The following FOXP4 variants were observed in gnomAD, a reference collection of about 807,000 sequenced individuals.
FOXP4 encodes the protein forkhead box protein P4.
FOXP4 carries 25 observed loss-of-function variants against 82.6 expected under a neutral mutation model. The observed-to-expected ratio is 0.30, with a 90% CI of 0.22 to 0.42. FOXP4 has a LOEUF of 0.42. FOXP4 is among the 10% of genes least tolerant of loss of function. The pLI is 1.00. For synonymous variants in FOXP4, 415 were observed against 388.2 expected, an observed-to-expected ratio of 1.07 and a Z score of -0.81; for missense variants, 785 against 900.9, an observed-to-expected ratio of 0.87 and a Z score of 1.65.
chr6:41,572,402 AG>A (rs1302103863), intron 2 of FOXP4, among the ~76,000 whole-genome samples: 2 of 152,262 alleles, frequency 1.3e-5, no homozygotes, highest in East Asian at 3.9e-4. Context: ...TTAGAACGTG[AG>A]CCCCGTTAAA....
chr6:41,587,846 G>A lies in FOXP4; in HGVS notation c.926G>A (p.Cys309Tyr), dbSNP rs1252110538. 1.3e-6 allele frequency: 2 copies of A among 1,572,412 alleles called. No individual in the cohort carries two copies. Among genetic ancestry groups the A allele is most frequent in the East Asian group, 2.4e-5 (1 of 42,546 alleles). Reference sequence around the variant, plus strand: ...CACCCCCTGTACGGACACGGAGAGTGCAAGTGGCCAGGCTGTGAGACCCTG... The same window carrying A: ...CACCCCCTGTACGGACACGGAGAGTACAAGTGGCCAGGCTGTGAGACCCTG... ...GSHPLYGHGE[C>Y]KWPGCETLCE... The change falls in exon 8 of 17, where the codon TGC becomes TAC. Residue 309 changes from cysteine (C) to tyrosine (Y), a missense_variant. Physicochemically the swap from Cys to Tyr is radical, Grantham distance 194. Around this residue, in one of 3 missense-constraint regions of FOXP4, gnomAD observed 570 missense variants for 634.0 expected, o/e 0.90. Transcript: ENST00000307972.
intron 1 of FOXP4, among the ~76,000 whole-genome samples, chr6:41,560,945 C>T (rs1025949328): frequency 1.3e-5 from 2 of 152,188 alleles, no homozygotes; most frequent in African/African-American, 2.4e-5. Flanking sequence ...CCGTGGGTCC[C>T]CCCTTTGGCC....
intron 1 of FOXP4, chr6:41,547,333 C>T (rs1031198764): frequency 6.6e-6 from 1 of 152,352 alleles, no homozygotes; most frequent in Non-Finnish European, 1.5e-5. Context: ...AAGAATACTT[C>T]CCGGCCCAGA....
At chr6:41,587,567 G>C in intron 7 of FOXP4, 55 bp downstream of exon 7, 1 of 1,390,434 alleles carries the variant, frequency 7.2e-7, no homozygotes, top group Admixed American at 2.3e-5. Context: ...GGTAGACCTG[G>C]CCCCCCACCC....
chr6:41,578,104 G>C (rs1413725588), intron 3 of FOXP4, 23 bp downstream of exon 3: 2 of 1,603,100 alleles, frequency 1.2e-6, no homozygotes, highest in Non-Finnish European at 1.7e-6. Flanking sequence ...GCACCCCGCT[G>C]GCTCTGGGTT....
intron 1 of FOXP4, among the ~76,000 whole-genome samples, chr6:41,551,804 A>AG (rs1405202480): frequency 6.6e-6 from 1 of 152,218 alleles, no homozygotes; most frequent in African/African-American, 2.4e-5. Flanking sequence ...GAATGGAGCC[A>AG]GGGACTCAGT....
chr6:41,597,599 G>C (rs1463424048), intron 15 of FOXP4, among the ~76,000 whole-genome samples, 182 bp from the exon 16 acceptor site: 2 of 152,174 alleles, frequency 1.3e-5, no homozygotes, highest in Non-Finnish European at 2.9e-5. Context: ...TCCAGCCATG[G>C]GGGAGGGGTG....
rs1767112847 is a variant in FOXP4 at position 41,599,785 on chromosome 6, C to G, written c.*849C>G. The G allele has an allele frequency of 6.6e-6, 1 of 152,018 alleles. No individual in the cohort carries two copies. The highest frequency in any genetic ancestry group is 6.6e-5 in the Admixed American group (1 of 15,252). The allele number at this position is 152,018 out of a possible 1,614,324, so 9.4% of individuals were successfully genotyped here. On this transcript the variant is annotated 3_prime_UTR_variant, in exon 17 of 17. Coordinates refer to ENST00000307972, the MANE Select transcript of FOXP4 (RefSeq NM_001012426.2). ...GAGCCCAGGGGAAGGCCAGGCTGGA[C>G]CCCGGCTCCACACCCACATCCAGCC...
intron 14 of FOXP4, among the ~76,000 whole-genome samples, chr6:41,596,480 C>T (rs1197958657): frequency 6.6e-6 from 1 of 152,214 alleles, no homozygotes; most frequent in African/African-American, 2.4e-5. Context: ...GGAGGGAAGC[C>T]ATCCCCTGGT....
chr6:41,568,895 G>T (rs561272134), intron 2 of FOXP4, among the ~76,000 whole-genome samples: 1 of 152,234 alleles, frequency 6.6e-6, no homozygotes, highest in Non-Finnish European at 1.5e-5. Context: ...GGGTGGCCAC[G>T]TCACTTTGGA....
At chr6:41,563,553 C>G (rs1189323676) in intron 1 of FOXP4, among the ~76,000 whole-genome samples, 1 of 152,248 alleles carries the variant, frequency 6.6e-6, no homozygotes, top group East Asian at 1.9e-4. Flanking sequence ...CTGGCTTCCA[C>G]GGGCCTTGCT....
intron 5 of FOXP4, among the ~76,000 whole-genome samples, chr6:41,586,046 G>A (rs1490927867): frequency 6.6e-6 from 1 of 151,766 alleles, no homozygotes; most frequent in Non-Finnish European, 1.5e-5. Context: ...TTCTATACCA[G>A]GCCCTGGAGG....
chr6:41,568,653 GTCTGTGGACCACAC>G (rs559330726), intron 2 of FOXP4, among the ~76,000 whole-genome samples: 1,960 of 152,300 alleles, frequency 0.013, 20 homozygotes, highest in Middle Eastern at 0.017. Flanking sequence ...GTAGGAGAGG[GTCTGTGGACCACAC>G]GCTGGTCCCA....
At chr6:41,575,178 C>T (rs1765408248) in intron 2 of FOXP4, among the ~76,000 whole-genome samples, 1 of 152,112 alleles carries the variant, frequency 6.6e-6, no homozygotes, top group South Asian at 2.1e-4. Context: ...CCATGTTAGC[C>T]AGGATTGTCT....
rs780473990 is a variant in FOXP4, at chr6:41,584,818, A to G, written c.350A>G (p.Gln117Arg). 6.2e-7 allele frequency: 1 copy of G among 1,607,744 alleles called. No individual in the cohort carries two copies. The highest frequency in any genetic ancestry group is 8.5e-7 in the Non-Finnish European group (1 of 1,177,380). ...TCGCCGCAGATGCTTACCCCGCAAC[A>G]GATGCAGCAGATCCTGTCGCCCCCG... ...MMSPQMLTPQ[Q>R]MQQILSPPQL... The change falls in exon 4 of 17, where the codon CAG becomes CGG. Residue 117 changes from glutamine (Q) to arginine (R), a missense_variant. Physicochemically the swap from Gln to Arg is conservative, Grantham distance 43. Coordinates refer to ENST00000307972, the MANE Select transcript of FOXP4 (RefSeq NM_001012426.2).
chr6:41,574,724 C>T lies in FOXP4; in HGVS notation c.205-3262C>T, dbSNP rs571427164. Among the ~76,000 whole-genome samples the T allele has an allele frequency of 2.6e-5, 4 of 152,278 alleles. No homozygotes were observed. In the East Asian group the frequency reaches 7.7e-4, roughly 29 times the overall value. ...CTGAGGTGGGCAGTCCAGTGATCTC[C>T]AGGCCGCAGTGCCAGCAGGCAGTGT... On this transcript the variant is annotated intron_variant, in intron 2 of 16. Transcript: ENST00000307972.
At chr6:41,547,968 T>G (rs557860958) in intron 1 of FOXP4, among the ~76,000 whole-genome samples, 1 of 152,298 alleles carries the variant, frequency 6.6e-6, no homozygotes, top group Admixed American at 6.5e-5. Flanking sequence ...ACCGGGTAAT[T>G]TCGCGGAATG....
chr6:41,585,560 C>A, intron 5 of FOXP4, 43 bp downstream of exon 5: 1 of 1,575,736 alleles, frequency 6.3e-7, no homozygotes, highest in Non-Finnish European at 8.7e-7. Flanking sequence ...TCACCCCCTG[C>A]CCAGAGCTGG....
intron 14 of FOXP4, among the ~76,000 whole-genome samples, chr6:41,595,734 C>A (rs1364307083): frequency 2.0e-5 from 3 of 152,072 alleles, no homozygotes; most frequent in Non-Finnish European, 4.4e-5. Flanking sequence ...TTTCGGGTAG[C>A]TAGAATTACA....
Sources: allele counts gnomAD v4.1 joint callset (sites outside exome capture counted in the v4.1 genomes callset), GRCh38; gene constraint gnomAD v4.1.1; regional missense constraint gnomAD v4.1.1; transcripts MANE v1.5; gene names NCBI Gene and HGNC (gene_info 2026-07-23, HGNC 2026-07-21).